Variants in TMPRSS15 observed in about 807,000 individuals in gnomAD.
TMPRSS15 encodes the protein transmembrane serine protease 15.
Under a neutral mutation model 125.3 loss-of-function variants are expected in TMPRSS15, and 128 were observed. That is an observed-to-expected ratio of 1.02 (90% CI 0.89 to 1.18). TMPRSS15 has a LOEUF of 1.18. Ranked by LOEUF, TMPRSS15 falls within the 50% of genes most tolerant of loss-of-function variation. The probability of loss-of-function intolerance (pLI) is 0.00; values close to 1 mark genes in which losing one functional copy is unlikely to be tolerated. For synonymous variants in TMPRSS15, 446 were observed against 423.2 expected (o/e 1.05, Z -0.66); for missense variants, 1,283 against 1,212.7 (o/e 1.06, Z -0.86).
intron 16 of TMPRSS15, among the ~76,000 whole-genome samples, chr21:18,321,351 T>TC (rs1200039514): frequency 3.1e-5 from 4 of 129,536 alleles, no homozygotes; most frequent in Non-Finnish European, 6.6e-5. Context: ...TTTTCCTTCT[T>TC]TTTTTTTTTT....
At chr21:18,413,170 T>C (rs2076170263) in intron 1 of TMPRSS15, among the ~76,000 whole-genome samples, 1 of 152,032 alleles carries the variant, frequency 6.6e-6, no homozygotes, top group African/African-American at 2.4e-5. Context: ...TTAAGTGTAA[T>C]TCATAATGCA....
At chr21:18,375,569 A>T (rs1035633045) in intron 5 of TMPRSS15, among the ~76,000 whole-genome samples, 1 of 152,206 alleles carries the variant, frequency 6.6e-6, no homozygotes, top group African/African-American at 2.4e-5. Context: ...AAAGCTAATC[A>T]AATTTCCTTC....
intron 23 of TMPRSS15, among the ~76,000 whole-genome samples, chr21:18,276,928 T>C (rs2074629340): frequency 6.7e-6 from 1 of 148,260 alleles, no homozygotes; most frequent in African/African-American, 2.5e-5. Flanking sequence ...GCCTGGCTAA[T>C]TTTTTTTTTG....
At position 18,313,052 on chromosome 21, in the gene TMPRSS15, G is replaced by T. The variant is rs2075118207; in HGVS notation, c.2058C>A (p.Asn686Lys). The change falls in exon 18 of 25, where the codon AAC becomes AAA. Residue 686 changes from asparagine to lysine, a missense_variant. Coordinates refer to ENST00000284885, the MANE Select transcript of TMPRSS15 (RefSeq NM_002772.3). ...TTCTGAACCGCACTAAACCATTGTT[G>T]TTCGTTGTGCCATTGAAAAAACGCA... The part of the protein sequence containing the change: ...DCVRFFNGTT[N>K]NNGLVRFRIQ... 6.2e-7 allele frequency: 1 copy of T among 1,613,714 alleles called. No individual in the cohort carries two copies. Among genetic ancestry groups the T allele is most frequent in the African/African-American group, 1.3e-5 (1 of 74,848 alleles).
chr21:18,322,300 G>A (rs966157184), intron 16 of TMPRSS15, among the ~76,000 whole-genome samples: 5 of 152,130 alleles, frequency 3.3e-5, no homozygotes, highest in Non-Finnish European at 7.4e-5. Flanking sequence ...AAACCAATAT[G>A]AGGCTCCTCA....
At chr21:18,414,676 A>G (rs2076175835) in intron 1 of TMPRSS15, among the ~76,000 whole-genome samples, 2 of 152,162 alleles carry the variant, frequency 1.3e-5, no homozygotes, top group African/African-American at 4.8e-5. Flanking sequence ...TTGTTGCAAA[A>G]AGCAGAATTT....
Position 18,379,288 on chromosome 21 carries a change from G to T in TMPRSS15, c.527C>A (p.Thr176Asn). The T allele has an allele frequency of 7.5e-7, 1 of 1,327,644 alleles. No homozygotes were observed. Among genetic ancestry groups the T allele is most frequent in the Middle Eastern group, 2.8e-4 (1 of 3,536 alleles). 82.2% of individuals were successfully genotyped at this position (1,327,644 alleles called of 1,614,324 possible). Residue 176 changes from threonine to asparagine, a missense_variant, in exon 5 of 25, where the codon ACT becomes AAT. Physicochemically the swap from Thr to Asn is moderately conservative, Grantham distance 65. Transcript: ENST00000284885. ...DKLTTTSHLATPGNVSIECLP... is the reference protein window; with the variant it reads ...DKLTTTSHLANPGNVSIECLP... ...ATAATATTATTAAAACTGACCTGGAGTTGCCAGATGACTGGTGGTTGTTAG... is the reference window on the plus strand; with the variant it reads ...ATAATATTATTAAAACTGACCTGGATTTGCCAGATGACTGGTGGTTGTTAG...
At chr21:18,376,815 A>G (rs1368852117) in intron 5 of TMPRSS15, among the ~76,000 whole-genome samples, 1 of 152,178 alleles carries the variant, frequency 6.6e-6, no homozygotes, top group African/African-American at 2.4e-5. Flanking sequence ...GTAATTGGCA[A>G]CAAAAGCAGC....
At chr21:18,378,441 A>C (rs1353751117) in intron 5 of TMPRSS15, among the ~76,000 whole-genome samples, 1 of 152,156 alleles carries the variant, frequency 6.6e-6, no homozygotes, top group Non-Finnish European at 1.5e-5. Context: ...TGTTTCCTAA[A>C]GCATTTTGAT....
chr21:18,414,666 T>C (rs2076175810), intron 1 of TMPRSS15, among the ~76,000 whole-genome samples: 1 of 152,182 alleles, frequency 6.6e-6, no homozygotes, highest in African/African-American at 2.4e-5. Flanking sequence ...TTCATCCACG[T>C]TGTTGCAAAA....
At chr21:18,400,345 C>A (rs559119144) in intron 1 of TMPRSS15, among the ~76,000 whole-genome samples, 97 of 152,176 alleles carry the variant, frequency 6.4e-4, no homozygotes, top group African/African-American at 2.2e-3. Context: ...GCTATAGTAA[C>A]TAAAACAGCA....
intron 18 of TMPRSS15, among the ~76,000 whole-genome samples, chr21:18,306,667 TG>T (rs1568996554): frequency 6.6e-6 from 1 of 152,164 alleles, no homozygotes; most frequent in South Asian, 2.1e-4. Context: ...ACAGAAATGA[TG>T]TTTTTTTCTA....
intron 18 of TMPRSS15, among the ~76,000 whole-genome samples, chr21:18,298,167 T>G (rs548681547): frequency 6.6e-6 from 1 of 152,358 alleles, no homozygotes; most frequent in African/African-American, 2.4e-5. Context: ...TGTTGTCAAA[T>G]AGTTTCCATA....
chr21:18,481,434 A>G (rs1978979086), intron 1 of TMPRSS15, among the ~76,000 whole-genome samples: 1 of 151,816 alleles, frequency 6.6e-6, no homozygotes, highest in Non-Finnish European at 1.5e-5. Flanking sequence ...CATGTGATTT[A>G]TTATGTTACA....
intron 10 of TMPRSS15, among the ~76,000 whole-genome samples, chr21:18,347,749 A>C (rs1023354473): frequency 2.6e-5 from 4 of 152,160 alleles, no homozygotes; most frequent in African/African-American, 9.7e-5. Context: ...ATGGGAATTT[A>C]TATGGTCAAA....
At position 18,279,528 on chromosome 21, in the gene TMPRSS15, G is replaced by A. The variant is rs534309747; in HGVS notation, c.2669-469C>T. Among the ~76,000 whole-genome samples the A allele has an allele frequency of 9.6e-3, 1,443 of 149,818 alleles. 15 individuals are homozygous for A. The highest frequency in any genetic ancestry group is 0.015 in the Non-Finnish European group (1,046 of 67,552). ...TTTTTTTTTTTTTAGTAGAGATGGC[G>A]TTTCACTGTGTTAGCCAGGATGGTC... On this transcript the variant is annotated intron_variant, in intron 22 of 24. Coordinates refer to ENST00000284885, the MANE Select transcript of TMPRSS15 (RefSeq NM_002772.3).
chr21:18,471,647 T>G (rs117167498), intron 1 of TMPRSS15, among the ~76,000 whole-genome samples: 6,215 of 152,150 alleles, frequency 0.041, 158 homozygotes, highest in Middle Eastern at 0.12. Context: ...TTTTGAAAAC[T>G]TAATGATAAT....
At chr21:18,452,337 A>C (rs564688755) in intron 1 of TMPRSS15, among the ~76,000 whole-genome samples, 13 of 152,308 alleles carry the variant, frequency 8.5e-5, no homozygotes, top group African/African-American at 3.1e-4. Flanking sequence ...GTATACACAC[A>C]CATAAGCAAA....
intron 20 of TMPRSS15, 58 bp from the exon 21 acceptor site, chr21:18,294,502 T>A: frequency 1.2e-6 from 2 of 1,608,902 alleles, no homozygotes; most frequent in Non-Finnish European, 1.7e-6. Context: ...CTTCTGATGG[T>A]GAAAATTGAG....
Sources: allele counts gnomAD v4.1 joint callset (sites outside exome capture counted in the v4.1 genomes callset), GRCh38; gene constraint gnomAD v4.1.1; transcripts MANE v1.5; gene names NCBI Gene and HGNC (gene_info 2026-07-23, HGNC 2026-07-21).